The following TET3 variants were observed in gnomAD, a reference collection of about 807,000 sequenced individuals.
TET3 encodes methylcytosine dioxygenase TET3.
Under a neutral mutation model 141.4 loss-of-function variants are expected in TET3, and 19 were observed. The observed-to-expected ratio is 0.13, with a 90% confidence interval of 0.09 to 0.20. The LOEUF is 0.20. Ranked by LOEUF, TET3 falls within the 10% of genes least tolerant of loss-of-function variation. The probability of loss-of-function intolerance (pLI) is 1.00; values close to 1 mark genes in which losing one functional copy is unlikely to be tolerated. For missense variants in TET3, 1,874 were observed against 2,356.9 expected, an observed-to-expected ratio of 0.80 and a Z score of 4.24; for synonymous variants, 1,043 against 980.9, an observed-to-expected ratio of 1.06 and a Z score of -1.18.
rs966115582 is a variant in TET3, at chr2:74,048,088, T to G, written c.2171T>G (p.Leu724Arg). Residue 724 changes from leucine (L) to arginine (R), a missense_variant, in exon 4 of 12, where the codon CTT becomes CGT. Physicochemically the swap from Leu to Arg is moderately radical, Grantham distance 102 (BLOSUM62 -2). Coordinates refer to ENST00000409262, the MANE Select transcript of TET3 (RefSeq NM_001287491.2). ...GCTGAATTTGGAGATAGCTTTGGGC[T>G]TCCCGGCCCCCCTTCTGTGCCCATT... ...FEAEFGDSFGLPGPPSVPIQD... is the reference protein window; with the variant it reads ...FEAEFGDSFGRPGPPSVPIQD... 2 of 1,613,348 alleles carry G rather than the reference T, an allele frequency of 1.2e-6. No homozygotes were observed. Among genetic ancestry groups the G allele is most frequent in the Non-Finnish European group, 1.7e-6 (2 of 1,179,718 alleles).
chr2:74,030,385 G>C (rs1686613733), intron 3 of TET3, among the ~76,000 whole-genome samples: 1 of 152,084 alleles, frequency 6.6e-6, no homozygotes, highest in Non-Finnish European at 1.5e-5. Flanking sequence ...TATAATTGCA[G>C]GTTTAGATGA....
At chr2:74,116,682 C>A in the TET3 span, among the ~76,000 whole-genome samples, 1 of 45,436 alleles carries the variant, frequency 2.2e-5, no homozygotes, top group African/African-American at 7.8e-5. Context: ...GAGACTCCAT[C>A]CCAAGTTAAA....
At chr2:74,038,764 G>A (rs1687195302) in intron 3 of TET3, among the ~76,000 whole-genome samples, 1 of 152,148 alleles carries the variant, frequency 6.6e-6, no homozygotes. Context: ...GCAGATGCCT[G>A]GTTCCCTAGG....
chr2:74,021,368 G>GC (rs1686035005), intron 3 of TET3, among the ~76,000 whole-genome samples: 1 of 152,246 alleles, frequency 6.6e-6, no homozygotes, highest in Non-Finnish European at 1.5e-5. Context: ...ATGCAGGGCT[G>GC]CCTAGGGCTT....
Position 74,003,169 on chromosome 2 carries a change from A to G in TET3, c.360+3A>G. 6.5e-7 allele frequency: 1 copy of G among 1,548,754 alleles called. No homozygotes were observed. The highest frequency in any genetic ancestry group is 8.7e-7 in the Non-Finnish European group (1 of 1,146,364). On this transcript the variant is annotated splice_donor_region_variant and intron_variant, in intron 3 of 11. Coordinates refer to ENST00000409262, the MANE Select transcript of TET3 (RefSeq NM_001287491.2). ...GGGGACAAGGAGCGGCTGTCAAGGTACCTTGTGTGTGTGCGTGCGTGTGTG... is the reference window on the plus strand; with the variant it reads ...GGGGACAAGGAGCGGCTGTCAAGGTGCCTTGTGTGTGTGCGTGCGTGTGTG...
rs1389086605 is a variant in TET3 at position 74,046,768 on chromosome 2, A to G, written c.851A>G (p.Glu284Gly). 1.2e-6 allele frequency: 2 copies of G among 1,613,556 alleles called. No individual in the cohort carries two copies. The highest frequency in any genetic ancestry group is 1.3e-5 in the African/African-American group (1 of 74,888). The change falls in exon 4 of 12, where the codon GAG becomes GGG. Residue 284 changes from glutamate to glycine, a missense_variant. Physicochemically the swap from Glu to Gly is moderately conservative, Grantham distance 98. Transcript: ENST00000409262. This position sits in a 1 kb window ranked among gnomAD's most constrained non-coding sequence, Gnocchi z 4.3. ...CDGPECPDYL[E>G]WLEGKIKSVV... ...GGCCCAGAATGCCCTGACTACCTCG[A>G]GTGGCTGGAGGGGAAGATCAAGTCT...
intron 5 of TET3, among the ~76,000 whole-genome samples, chr2:74,074,849 T>G (rs1689406286): frequency 6.6e-6 from 1 of 151,614 alleles, no homozygotes; most frequent in Non-Finnish European, 1.5e-5. Flanking sequence ...AGAACAAGCA[T>G]TAGTGTTTTT....
chr2:74,051,430 A>G (rs1038892368), intron 4 of TET3, among the ~76,000 whole-genome samples: 1 of 152,244 alleles, frequency 6.6e-6, no homozygotes, highest in Non-Finnish European at 1.5e-5. Flanking sequence ...AAGAAAATAT[A>G]TGAACAGTGG....
chr2:74,128,117 G>A, the TET3 span, among the ~76,000 whole-genome samples: 87,201 of 151,998 alleles, frequency 0.57, 27,422 homozygotes, highest in East Asian at 0.91. Flanking sequence ...ACCTCAAACA[G>A]TGTTCTCCTT....
At chr2:74,067,555 T>TA (rs1212404949) in intron 4 of TET3, among the ~76,000 whole-genome samples, 4 of 152,244 alleles carry the variant, frequency 2.6e-5, no homozygotes, top group Non-Finnish European at 4.4e-5. Context: ...CATTAACAAT[T>TA]ACGTAACAAT....
At chr2:74,052,747 G>A (rs975559745) in intron 4 of TET3, among the ~76,000 whole-genome samples, 1 of 152,176 alleles carries the variant, frequency 6.6e-6, no homozygotes, top group African/African-American at 2.4e-5. Flanking sequence ...GCGGGTGCCT[G>A]TAATTCCAGT....
rs373379805 is a variant in TET3 at position 74,012,105 on chromosome 2, C to T, written c.360+8939C>T. On this transcript the variant is annotated intron_variant, in intron 3 of 11. Coordinates refer to ENST00000409262, the MANE Select transcript of TET3 (RefSeq NM_001287491.2). ...CCTCCTGAGTAGCTAGGACTACAGGCGCATGCCACCAGGCCCAGCTAATTT... is the reference window on the plus strand; with the variant it reads ...CCTCCTGAGTAGCTAGGACTACAGGTGCATGCCACCAGGCCCAGCTAATTT... Among the ~76,000 whole-genome samples the T allele has an allele frequency of 2.0e-5, 3 of 152,252 alleles. No individual in the cohort carries two copies. The East Asian group carries it at 5.8e-4, about 29-fold the overall frequency.
intron 3 of TET3, 102 bp downstream of exon 3, chr2:74,003,268 A>T: frequency 6.8e-7 from 1 of 1,464,356 alleles, no homozygotes; most frequent in Non-Finnish European, 9.3e-7. Flanking sequence ...GTGATCCCTT[A>T]ATCTCCCACT....
chr2:74,017,778 G>T (rs993176213), intron 3 of TET3, among the ~76,000 whole-genome samples: 1 of 151,942 alleles, frequency 6.6e-6, no homozygotes, highest in African/African-American at 2.4e-5. Context: ...TGGATCATAC[G>T]GTAGTTCTAG....
downstream of TET3, among the ~76,000 whole-genome samples, chr2:74,109,874 C>G (rs1691661927): frequency 6.6e-6 from 1 of 152,112 alleles, no homozygotes; most frequent in African/African-American, 2.4e-5. Context: ...TGAGTGTACA[C>G]CAAGGTTTAT....
At chr2:74,114,768 C>G in the TET3 span, among the ~76,000 whole-genome samples, 1 of 144,510 alleles carries the variant, frequency 6.9e-6, no homozygotes, top group African/African-American at 2.6e-5. Context: ...GCAGGAAAAT[C>G]GTTTGAACCC....
chr2:74,031,432 A>C (rs1187646060), intron 3 of TET3, among the ~76,000 whole-genome samples: 1 of 152,152 alleles, frequency 6.6e-6, no homozygotes, highest in Non-Finnish European at 1.5e-5. Flanking sequence ...CCAGCATTGC[A>C]CCCAGGCCTT....
chr2:74,080,519 C>T lies in TET3; in HGVS notation c.2607C>T (p.Ala869=). ...TCAGGTATGGAGAGAAGGGGAAAGC[C>T]ATCCGGATCGAGAAGGTCATCTACA... is the stretch of plus-strand genomic sequence containing the variant. The part of the protein sequence containing the change: ...MEERYGEKGK[A]IRIEKVIYTG... The change falls in exon 6 of 12, where the codon GCC becomes GCT. Residue 869 remains alanine, a synonymous_variant. Coordinates refer to ENST00000409262, the MANE Select transcript of TET3 (RefSeq NM_001287491.2). 6.2e-7 allele frequency: 1 copy of T among 1,612,986 alleles called. No individual in the cohort carries two copies. Among genetic ancestry groups the T allele is most frequent in the Non-Finnish European group, 8.5e-7 (1 of 1,179,558 alleles).
chr2:74,092,860 G>A (rs1222503502), intron 8 of TET3, 42 bp from the exon 9 acceptor site: 2 of 1,533,602 alleles, frequency 1.3e-6, no homozygotes, highest in Non-Finnish European at 1.8e-6. Context: ...GGGTCTGCCA[G>A]GCGGGGCTGC....
Sources: allele counts gnomAD v4.1 joint callset (sites outside exome capture counted in the v4.1 genomes callset), GRCh38; gene constraint gnomAD v4.1.1; non-coding constraint Gnocchi (gnomAD v3.1); transcripts MANE v1.5; gene names NCBI Gene and HGNC (gene_info 2026-07-23, HGNC 2026-07-21).